The following RERG variants were observed in gnomAD, a reference collection of about 807,000 sequenced individuals.
RERG encodes RAS like estrogen regulated growth inhibitor.
Under a neutral mutation model 23.2 loss-of-function variants are expected in RERG, and 25 were observed. The ratio of observed to expected loss-of-function variants is 1.08; its 90% CI spans 0.79 to 1.50. The LOEUF is 1.50. Among genes scored for constraint, RERG ranks in the 40% most tolerant of loss-of-function variants. The pLI is 0.00. For missense variants in RERG, 253 were observed against 250.1 expected (o/e 1.01, Z -0.08); for synonymous variants, 81 against 89.1 (o/e 0.91, Z 0.51).
intron 2 of RERG, chr12:15,216,990 A>G (rs1209670243): frequency 6.5e-6 from 1 of 153,410 alleles, no homozygotes; most frequent in Non-Finnish European, 1.5e-5. Context: ...TGTTTCTGAT[A>G]AAGCTAGATT....
rs200693358 is a variant in RERG, at chr12:15,126,704, ATTTCTT to A, written c.62-5591_62-5586del. On this transcript the variant is annotated intron_variant, in intron 2 of 4. Transcript: ENST00000256953. ...ATGTACTAACTCATATCCAGATAGC[ATTTCTT>A]TTTCTTTTTCTTTCTTTTTTTTTTT... Among the ~76,000 whole-genome samples, 817 of 145,416 alleles carry A rather than the reference ATTTCTT, an allele frequency of 5.6e-3. 8 individuals are homozygous for A. Among genetic ancestry groups the A allele is most frequent in the African/African-American group, 0.02 (778 of 39,256 alleles).
chr12:15,169,920 A>ATGTGTGTGTGTGTG (rs61079713), intron 2 of RERG, among the ~76,000 whole-genome samples: 15 of 137,698 alleles, frequency 1.1e-4, no homozygotes, highest in Admixed American at 3.0e-4. Context: ...TCTGCTAAAA[A>ATGTGTGTGTGTGTG]TGTGTGTGTG....
intron 2 of RERG, among the ~76,000 whole-genome samples, chr12:15,186,254 A>C (rs1236628355): frequency 6.6e-6 from 1 of 151,778 alleles, no homozygotes; most frequent in Non-Finnish European, 1.5e-5. Context: ...ATTATATATA[A>C]ATCAGTAGCA....
chr12:15,161,081 G>T (rs1477870530), intron 2 of RERG, among the ~76,000 whole-genome samples: 2 of 151,440 alleles, frequency 1.3e-5, no homozygotes, highest in East Asian at 1.9e-4. Flanking sequence ...GCTGCAGTGA[G>T]CTGAGATCAC....
intron 2 of RERG, among the ~76,000 whole-genome samples, chr12:15,191,172 T>C (rs1434487149): frequency 6.6e-6 from 1 of 152,140 alleles, no homozygotes; most frequent in Non-Finnish European, 1.5e-5. Flanking sequence ...ACAAGGATCA[T>C]AGATCTTCAG....
intron 2 of RERG, among the ~76,000 whole-genome samples, chr12:15,187,569 T>G (rs1419307271): frequency 6.6e-6 from 1 of 151,988 alleles, no homozygotes; most frequent in Non-Finnish European, 1.5e-5. Context: ...GAACCTTTTT[T>G]TTTTTTGAGA....
intron 2 of RERG, among the ~76,000 whole-genome samples, chr12:15,186,514 CAA>C (rs1864993336): frequency 6.6e-6 from 1 of 150,428 alleles, no homozygotes; most frequent in Admixed American, 6.6e-5. Context: ...GGCTTTGAGT[CAA>C]AGAGACCAGG....
At chr12:15,156,426 C>T (rs1025910434) in intron 2 of RERG, among the ~76,000 whole-genome samples, 4 of 152,160 alleles carry the variant, frequency 2.6e-5, no homozygotes, top group African/African-American at 4.8e-5. Flanking sequence ...CATCCTAATA[C>T]GGAAGTTTAC....
chr12:15,217,199 C>A, intron 2 of RERG: 1 of 482,106 alleles, frequency 2.1e-6, no homozygotes. Flanking sequence ...CTGATATATC[C>A]TTTATCTTGT....
chr12:15,147,948 C>T (rs534852624), intron 2 of RERG, among the ~76,000 whole-genome samples: 1 of 152,252 alleles, frequency 6.6e-6, no homozygotes, highest in East Asian at 1.9e-4. Context: ...GTGTCCAAAT[C>T]TCGAATCTCC....
chr12:15,164,818 T>C (rs956217025), intron 2 of RERG, among the ~76,000 whole-genome samples: 2 of 152,208 alleles, frequency 1.3e-5, no homozygotes, highest in Non-Finnish European at 2.9e-5. Flanking sequence ...GAGAATAAGA[T>C]AGAGTTAAAA....
At chr12:15,139,014 C>CTTTTTTTTTTTTTTTTTTTTTTTTTT (rs34755371) in intron 2 of RERG, among the ~76,000 whole-genome samples, 2 of 51,126 alleles carry the variant, frequency 3.9e-5, no homozygotes, top group African/African-American at 1.4e-4. Context: ...TGTGTCTAGA[C>CTTTTTTTTTTTTTTTTTTTTTTTTTT]TTTTTTTTTT....
At chr12:15,132,969 C>T (rs1431632985) in intron 2 of RERG, among the ~76,000 whole-genome samples, 4 of 146,512 alleles carry the variant, frequency 2.7e-5, no homozygotes, top group Admixed American at 1.4e-4. Flanking sequence ...ATACTCCCTG[C>T]CCTCCCTGCC....
chr12:15,164,978 C>T (rs890131704), intron 2 of RERG, among the ~76,000 whole-genome samples: 5 of 152,192 alleles, frequency 3.3e-5, no homozygotes, highest in African/African-American at 1.2e-4. Flanking sequence ...ATCCTCTTGG[C>T]ACTAAAGGTT....
At chr12:15,182,785 A>C (rs1227526003) in intron 2 of RERG, among the ~76,000 whole-genome samples, 2 of 152,158 alleles carry the variant, frequency 1.3e-5, no homozygotes, top group Non-Finnish European at 2.9e-5. Flanking sequence ...CTAACTAAGA[A>C]GGTATTAAGC....
intron 2 of RERG, among the ~76,000 whole-genome samples, chr12:15,203,783 CA>C (rs2136142878): frequency 6.6e-6 from 1 of 151,358 alleles, no homozygotes; most frequent in South Asian, 2.1e-4. Flanking sequence ...ACAAATTATT[CA>C]AAAATAAATT....
Position 15,111,366 on chromosome 12 carries a change from T to A in RERG, c.170A>T (p.Glu57Val), listed in dbSNP as rs764718549. 3 of 1,613,048 alleles carry A rather than the reference T, an allele frequency of 1.9e-6. No homozygotes were observed. Among genetic ancestry groups the A allele is most frequent in the Non-Finnish European group, 2.5e-6 (3 of 1,179,224 alleles). ...ATIDDEVVSM[E>V]ILDTAGQEDT... ...CACCTGACCAGCAGTGTCTAGTATC[T>A]CCATGGAAACAACTTCATCATCGAT... is the stretch of plus-strand genomic sequence containing the variant. The change falls in exon 4 of 5, where the codon GAG (glutamate) becomes GTG (valine). Residue 57 changes from glutamate (E) to valine (V), a missense_variant. Glu to Val is a moderately radical substitution (Grantham distance 121). Coordinates refer to ENST00000256953, the MANE Select transcript of RERG (RefSeq NM_032918.3).
intron 2 of RERG, among the ~76,000 whole-genome samples, chr12:15,210,361 A>G (rs1865350210): frequency 6.6e-6 from 1 of 152,234 alleles, no homozygotes; most frequent in Non-Finnish European, 1.5e-5. Context: ...GGACAATTGA[A>G]TTTTAATAAT....
chr12:15,151,163 T>G (rs1225399882), intron 2 of RERG, among the ~76,000 whole-genome samples: 1 of 152,184 alleles, frequency 6.6e-6, no homozygotes, highest in Non-Finnish European at 1.5e-5. Flanking sequence ...TTTTTTCCTC[T>G]GTATTTTCTA....
Sources: gnomAD v4.1 joint callset for allele counts (sites outside exome capture counted in the v4.1 genomes callset) on GRCh38, gnomAD v4.1.1 for gene constraint, MANE v1.5 for transcripts, NCBI Gene and HGNC (gene_info 2026-07-23, HGNC 2026-07-21) for gene names.